SOBP: variants seen among roughly 807,000 people sequenced by gnomAD.
The protein encoded by SOBP is sine oculis binding protein homolog.
In SOBP, 4 loss-of-function variants were observed where a neutral mutation model predicts 53.6. The observed-to-expected ratio is 0.07, with a 90% CI of 0.04 to 0.17. The LOEUF (loss-of-function observed/expected upper bound fraction) is 0.17, where lower values mean the gene tolerates loss of function less well. Ranked by LOEUF, SOBP falls within the 10% of genes least tolerant of loss-of-function variation. SOBP has a pLI of 1.00. For synonymous variants in SOBP, 584 were observed against 522.6 expected, an observed-to-expected ratio of 1.12 and a Z score of -1.60; for missense variants, 1,088 against 1,204.7, an observed-to-expected ratio of 0.90 and a Z score of 1.43.
intron 4 of SOBP, among the ~76,000 whole-genome samples, chr6:107,582,363 GAAA>G (rs1425763662): frequency 6.6e-6 from 1 of 152,162 alleles, no homozygotes; most frequent in Non-Finnish European, 1.5e-5. Context: ...GATTCAGAGG[GAAA>G]GAGAGGTGAA....
intron 3 of SOBP, chr6:107,514,553 A>G (rs752910305): frequency 1.3e-5 from 2 of 152,218 alleles, no homozygotes; most frequent in Non-Finnish European, 2.9e-5. Flanking sequence ...GTGTTCTATC[A>G]TTTTTAATGC....
chr6:107,616,875 C>T (rs1161733923), intron 5 of SOBP, among the ~76,000 whole-genome samples: 2 of 152,140 alleles, frequency 1.3e-5, no homozygotes, highest in East Asian at 3.9e-4. Context: ...GAAGTCTGGC[C>T]TCAGGCTGTC....
chr6:107,493,472 G>A (rs1782627491), intron 1 of SOBP, among the ~76,000 whole-genome samples: 1 of 152,234 alleles, frequency 6.6e-6, no homozygotes, highest in Admixed American at 6.5e-5. Flanking sequence ...CCTGGGAAGT[G>A]GAGGATCAGG....
intron 4 of SOBP, among the ~76,000 whole-genome samples, chr6:107,576,985 T>G (rs1373527374): frequency 1.3e-5 from 2 of 152,180 alleles, no homozygotes; most frequent in East Asian, 3.8e-4. Context: ...AGTAACTAAT[T>G]CACGGACACC....
At chr6:107,629,825 T>C (rs554488977) in intron 5 of SOBP, among the ~76,000 whole-genome samples, 1 of 152,350 alleles carries the variant, frequency 6.6e-6, no homozygotes, top group Admixed American at 6.5e-5. Flanking sequence ...GAAATGTTCA[T>C]TCTGTTGTTT....
At position 107,533,676 on chromosome 6, in the gene SOBP, A is replaced by T. The variant is rs1441824721; in HGVS notation, c.573+66A>T. On this transcript the variant is annotated intron_variant, in intron 4 of 6. Transcript: ENST00000317357. ...ACCAGCCCACACGCGCATGTGCCTC[A>T]TAGCTTCTAGCGGAAAACACTGCGC... 1.0e-5 allele frequency: 16 copies of T among 1,598,848 alleles called. No individual in the cohort carries two copies. In the East Asian group the frequency reaches 3.3e-4, roughly 33 times the overall value.
rs75079277 is a variant in SOBP at position 107,622,446 on chromosome 6, C to T, written c.670-11068C>T. The stretch of plus-strand genomic sequence containing the variant: ...AGCTGGGATGATACAAGAAGAGATG[C>T]GATTGTGGAGAAGAGCCAGTTCTTC... On this transcript the variant is annotated intron_variant, in intron 5 of 6. Transcript: ENST00000317357. 4.5e-3 allele frequency among the ~76,000 whole-genome samples: 692 copies of T among 152,276 alleles called. 6 individuals carry two copies. Among genetic ancestry groups the T allele is most frequent in the African/African-American group, 0.016 (660 of 41,544 alleles).
intron 4 of SOBP, among the ~76,000 whole-genome samples, chr6:107,563,922 G>A (rs943498881): frequency 7.2e-5 from 11 of 152,260 alleles, no homozygotes; most frequent in African/African-American, 2.2e-4. Flanking sequence ...GATAGCATCC[G>A]GTAGGGTTGC....
chr6:107,499,038 CA>C (rs1782768684), intron 1 of SOBP, among the ~76,000 whole-genome samples: 1 of 152,190 alleles, frequency 6.6e-6, no homozygotes, highest in Non-Finnish European at 1.5e-5. Flanking sequence ...CCAAAGCAAG[CA>C]AAGTCTTAAC....
At chr6:107,599,660 A>G (rs562402042) in intron 5 of SOBP, among the ~76,000 whole-genome samples, 10 of 151,164 alleles carry the variant, frequency 6.6e-5, no homozygotes, top group Middle Eastern at 6.9e-3. Context: ...TTAAAATCCT[A>G]CATTTCTTAA....
chr6:107,533,443 T>TA lies in SOBP; in HGVS notation c.422-15dup. 1 of 1,613,980 alleles carries TA rather than the reference T, an allele frequency of 6.2e-7. No homozygotes were observed. The highest frequency in any genetic ancestry group is 8.5e-7 in the Non-Finnish European group (1 of 1,179,914). ...TTGCTTCTGATATGAACATTTTTCT[T>TA]ATACTTTTATTATAGAAGATGATGT... On this transcript the variant is annotated splice_polypyrimidine_tract_variant and intron_variant, in intron 3 of 6. Coordinates refer to ENST00000317357, the MANE Select transcript of SOBP (RefSeq NM_018013.4).
chr6:107,654,553 A>G (rs553959338), intron 6 of SOBP, among the ~76,000 whole-genome samples: 1 of 152,232 alleles, frequency 6.6e-6, no homozygotes, highest in East Asian at 1.9e-4. Context: ...ATTAATATTC[A>G]GTTGTTCAAG....
At chr6:107,640,114 AAGG>A (rs1771244069) in intron 6 of SOBP, among the ~76,000 whole-genome samples, 1 of 152,164 alleles carries the variant, frequency 6.6e-6, no homozygotes, top group Admixed American at 6.5e-5. Context: ...GTTCCAAGGC[AAGG>A]AGTTCACTTC....
intron 3 of SOBP, among the ~76,000 whole-genome samples, chr6:107,507,326 A>G (rs1348718992): frequency 1.3e-5 from 2 of 152,126 alleles, no homozygotes; most frequent in East Asian, 3.9e-4. Context: ...GTTTTTTGAG[A>G]CAGAGTTTCG....
rs1338496905 is a variant in SOBP, at chr6:107,633,674, G to A, written c.830G>A (p.Ser277Asn). Residue 277 changes from serine to asparagine, a missense_variant, in exon 6 of 7, where the codon AGC becomes AAC. Physicochemically the swap from Ser to Asn is conservative, Grantham distance 46. Transcript: ENST00000317357. ...TQANLPAGLC[S>N]TLHPPMENKA... ...GCCAATCTTCCAGCTGGGCTGTGCA[G>A]CACATTACACCCTCCCATGGAAAAT... 6.2e-7 allele frequency: 1 copy of A among 1,614,232 alleles called. No homozygotes were observed. The highest frequency in any genetic ancestry group is 1.1e-5 in the South Asian group (1 of 91,092).
chr6:107,571,435 G>A (rs891740959), intron 4 of SOBP, among the ~76,000 whole-genome samples: 6 of 150,650 alleles, frequency 4.0e-5, no homozygotes, highest in South Asian at 2.1e-4. Context: ...GGCTTCTTGC[G>A]GCCCTGGAGA....
intron 4 of SOBP, among the ~76,000 whole-genome samples, chr6:107,542,556 C>T (rs1264611300): frequency 6.6e-6 from 1 of 152,042 alleles, no homozygotes; most frequent in African/African-American, 2.4e-5. Flanking sequence ...ACGGAAGTAA[C>T]ACATTCAGGA....
At chr6:107,621,880 G>A (rs1770196305) in intron 5 of SOBP, among the ~76,000 whole-genome samples, 2 of 152,116 alleles carry the variant, frequency 1.3e-5, no homozygotes, top group African/African-American at 4.8e-5. Context: ...AAGAATTTGG[G>A]GGTCAAGTGT....
chr6:107,638,039 C>T lies in SOBP; in HGVS notation c.*3+2570C>T, dbSNP rs149583711. ...AGAAATACTCAGGCTTTGTCAGCTA[C>T]GAAAGGGTGACAAGGCAAGTGATTT... On this transcript the variant is annotated intron_variant, in intron 6 of 6. Transcript: ENST00000317357. Among the ~76,000 whole-genome samples, 331 of 152,172 alleles carry T rather than the reference C, an allele frequency of 2.2e-3. 8 individuals are homozygous for T. Among genetic ancestry groups the T allele is most frequent in the African/African-American group, 6.9e-3 (285 of 41,528 alleles).
Sources: allele counts gnomAD v4.1 joint callset (sites outside exome capture counted in the v4.1 genomes callset), GRCh38; gene constraint gnomAD v4.1.1; transcripts MANE v1.5; gene names NCBI Gene and HGNC (gene_info 2026-07-23, HGNC 2026-07-21).